Variants in VPS13D observed in about 807,000 individuals in gnomAD.
VPS13D encodes the protein vacuolar protein sorting 13 homolog D.
VPS13D carries 187 observed loss-of-function variants against 461.9 expected under a neutral mutation model. The ratio of observed to expected loss-of-function variants is 0.40; its 90% CI spans 0.36 to 0.46. The LOEUF is 0.46. Ranked by LOEUF, VPS13D falls within the 20% of genes least tolerant of loss-of-function variation. The pLI is 0.60. For synonymous variants in VPS13D, 1,951 were observed against 1,986.3 expected (o/e 0.98, Z 0.47); for missense variants, 4,711 against 5,364.9 (o/e 0.88, Z 3.81).
intron 67 of VPS13D, among the ~76,000 whole-genome samples, chr1:12,460,846 C>G (rs1645402766): frequency 6.6e-6 from 1 of 152,062 alleles, no homozygotes; most frequent in Non-Finnish European, 1.5e-5. Flanking sequence ...TCTAGAATCC[C>G]CACTGTTGTT....
intron 50 of VPS13D, among the ~76,000 whole-genome samples, 162 bp downstream of exon 50, chr1:12,358,763 C>A (rs1467723847): frequency 2.6e-5 from 4 of 152,182 alleles, no homozygotes; most frequent in African/African-American, 4.8e-5. Context: ...GTGATATCAA[C>A]ACAGATCTAT....
intron 67 of VPS13D, chr1:12,478,430 A>AC (rs2100474512): frequency 5.7e-6 from 1 of 174,138 alleles, no homozygotes; most frequent in East Asian, 1.5e-4. Context: ...CCCAAGCCTG[A>AC]CCGACAGTTG....
At chr1:12,345,732 C>A (rs1465367277) in intron 43 of VPS13D, among the ~76,000 whole-genome samples, 1 of 152,188 alleles carries the variant, frequency 6.6e-6, no homozygotes, top group Non-Finnish European at 1.5e-5. Flanking sequence ...AACACATTTC[C>A]TCACCTCTGT....
chr1:12,403,236 C>T (rs1644603164), intron 62 of VPS13D, among the ~76,000 whole-genome samples: 1 of 152,242 alleles, frequency 6.6e-6, no homozygotes, highest in Non-Finnish European at 1.5e-5. Context: ...GCTACTCCTG[C>T]TACTCCTTTT....
Position 12,318,120 on chromosome 1 carries a change from TG to T in VPS13D, c.7198del (p.Val2400CysfsTer10). On this transcript the variant is annotated frameshift_variant, in exon 31 of 70. Transcript: ENST00000620676. LOFTEE classifies it high-confidence loss of function. ...CFTVVLNNLR[V>X]FLIFDWLLLV... Reference sequence around the variant, plus strand: ...TTACAGTAGTTCTCAACAATCTCCGTGTGTTTCTCATATTTGACTGGCTACT... The same window carrying T: ...TTACAGTAGTTCTCAACAATCTCCGTTGTTTCTCATATTTGACTGGCTACT... 1 of 1,614,114 alleles carries T rather than the reference TG, an allele frequency of 6.2e-7. No homozygotes were observed. The highest frequency in any genetic ancestry group is 8.5e-7 in the Non-Finnish European group (1 of 1,179,968).
chr1:12,316,360 A>T (rs538717259), intron 30 of VPS13D, among the ~76,000 whole-genome samples: 1 of 152,344 alleles, frequency 6.6e-6, no homozygotes, highest in African/African-American at 2.4e-5. Context: ...TTCGTGTCTG[A>T]AGAAGAATTA....
In VPS13D at chr1:12,509,763, A is replaced by G. The variant is rs1646159056; in HGVS notation, c.*739A>G. 2 of 152,216 alleles carry G rather than the reference A, an allele frequency of 1.3e-5. No individual in the cohort carries two copies. The highest frequency in any genetic ancestry group is 1.3e-4 in the Admixed American group (2 of 15,284). The allele number at this position is 152,216 out of a possible 1,614,324, so 9.4% of individuals were successfully genotyped here. On this transcript the variant is annotated 3_prime_UTR_variant, in exon 70 of 70. Coordinates refer to ENST00000620676, the MANE Select transcript of VPS13D (RefSeq NM_015378.4). ...TAAGTTATCCATTTGGCTTTTTCCT[A>G]ACTAGTCTTACCAAACTTAGGGGGA...
intron 30 of VPS13D, among the ~76,000 whole-genome samples, chr1:12,316,526 C>T (rs1475146001): frequency 6.6e-6 from 1 of 152,050 alleles, no homozygotes; most frequent in African/African-American, 2.4e-5. Flanking sequence ...AAAAATTTTA[C>T]TGAGGGCAAC....
chr1:12,313,077 G>C (rs1642799158), intron 29 of VPS13D, among the ~76,000 whole-genome samples: 1 of 152,136 alleles, frequency 6.6e-6, no homozygotes. Context: ...TTTCCAGATA[G>C]AGTTTCTGAC....
intron 30 of VPS13D, among the ~76,000 whole-genome samples, chr1:12,317,046 TC>T (rs749595143): frequency 3.4e-5 from 5 of 147,560 alleles, no homozygotes; most frequent in Non-Finnish European, 7.5e-5. Flanking sequence ...GGGACATTTA[TC>T]CCTGGTAAAT....
At chr1:12,375,543 A>T (rs556748747) in intron 55 of VPS13D, among the ~76,000 whole-genome samples, 3 of 152,202 alleles carry the variant, frequency 2.0e-5, no homozygotes, top group South Asian at 4.1e-4. Context: ...ATGTTTATTG[A>T]TTTGATCAGT....
At chr1:12,362,378 G>GT (rs1416060024) in intron 50 of VPS13D, among the ~76,000 whole-genome samples, 1 of 152,190 alleles carries the variant, frequency 6.6e-6, no homozygotes, top group Non-Finnish European at 1.5e-5. Context: ...TGAAACTGTT[G>GT]TAAGTATTCA....
rs78599974 is a variant in VPS13D at position 12,257,970 on chromosome 1, A to G, written c.977A>G (p.Asn326Ser). ...TGGTGGTATTTTGCTTTGAATGCTA[A>G]CTTGTATGAGATCAGAGAGCAGAGG... ...REWWYFALNANLYEIREQRKR... is the reference protein window; with the variant it reads ...REWWYFALNASLYEIREQRKR... Residue 326 changes from asparagine to serine, a missense_variant, in exon 10 of 70, where the codon AAC becomes AGC. By Grantham distance (46) the Asn-to-Ser change is conservative. Coordinates refer to ENST00000620676, the MANE Select transcript of VPS13D (RefSeq NM_015378.4). 6.1e-4 allele frequency: 984 copies of G among 1,614,138 alleles called. 3 individuals carry two copies. The African/African-American group carries it at 0.011, about 18-fold the overall frequency.
At chr1:12,309,652 C>G (rs1197151026) in intron 27 of VPS13D, among the ~76,000 whole-genome samples, 3 of 150,948 alleles carry the variant, frequency 2.0e-5, no homozygotes, top group Non-Finnish European at 4.4e-5. Flanking sequence ...ATCCCAGCTA[C>G]CGGGAAGGCT....
intron 38 of VPS13D, among the ~76,000 whole-genome samples, chr1:12,334,188 G>C (rs1643396348): frequency 6.6e-6 from 1 of 152,148 alleles, no homozygotes; most frequent in Non-Finnish European, 1.5e-5. Context: ...CCATAAGTTT[G>C]TTGACCCCCC....
At chr1:12,361,387 A>G (rs1292632956) in intron 50 of VPS13D, among the ~76,000 whole-genome samples, 1 of 140,746 alleles carries the variant, frequency 7.1e-6, no homozygotes, top group East Asian at 2.0e-4. Flanking sequence ...TTATTTATTT[A>G]TTTATTTATT....
At chr1:12,268,249 CT>C (rs35267390) in intron 15 of VPS13D, among the ~76,000 whole-genome samples, 301 of 100,706 alleles carry the variant, frequency 3.0e-3, no homozygotes, top group Admixed American at 4.7e-3. Flanking sequence ...CATGCCTGAG[CT>C]TTTTTTTTTT....
intron 27 of VPS13D, among the ~76,000 whole-genome samples, chr1:12,309,643 TC>T (rs1026087413): frequency 6.6e-6 from 1 of 150,890 alleles, no homozygotes; most frequent in African/African-American, 2.4e-5. Flanking sequence ...GTGCCTGTAA[TC>T]CCAGCTACCG....
At position 12,322,658 on chromosome 1, in the gene VPS13D, A is replaced by G. The variant is rs1055603513; in HGVS notation, c.7827A>G (p.Ser2609=). ...TGCCAGACTCAGTGGCCCTGGAGTC[A>G]GACTCCGTTGGCACTTACCTTCCAG... The part of the protein sequence containing the change: ...AAVPDSVALE[S]DSVGTYLPGA... The change falls in exon 34 of 70, where the codon TCA becomes TCG. Residue 2609 remains serine, a synonymous_variant. Transcript: ENST00000620676. 6.2e-7 allele frequency: 1 copy of G among 1,614,120 alleles called. No individual in the cohort carries two copies.
Sources: allele counts gnomAD v4.1 joint callset (sites outside exome capture counted in the v4.1 genomes callset), GRCh38; gene constraint gnomAD v4.1.1; transcripts MANE v1.5; gene names NCBI Gene and HGNC (gene_info 2026-07-23, HGNC 2026-07-21).